SOX6: variants seen among roughly 807,000 people sequenced by gnomAD.
SOX6 encodes transcription factor SOX-6.
Under a neutral mutation model 97.8 loss-of-function variants are expected in SOX6, and 11 were observed. That is an observed-to-expected ratio of 0.11 (90% CI 0.07 to 0.19). SOX6 has a LOEUF of 0.19. Ranked by LOEUF, SOX6 falls within the 10% of genes least tolerant of loss-of-function variation. The pLI is 1.00. For synonymous variants in SOX6, 360 were observed against 371.4 expected (o/e 0.97, Z 0.35); for missense variants, 810 against 1,039.5 (o/e 0.78, Z 3.04).
At position 16,295,206 on chromosome 11, in the gene SOX6, G is replaced by T. The variant is rs534488438; in HGVS notation, c.445+23240C>A. Among the ~76,000 whole-genome samples the T allele has an allele frequency of 4.6e-4, 70 of 152,126 alleles. 1 individual carries two copies. Among genetic ancestry groups the T allele is most frequent in the Non-Finnish European group, 5.0e-4 (34 of 67,954 alleles). On this transcript the variant is annotated intron_variant, in intron 3 of 15. Coordinates refer to ENST00000683767, the MANE Select transcript of SOX6 (RefSeq NM_001367873.1). ...ATCCTATGCTATTTTTTCAAATCAA[G>T]ACTGAAAGTTCTACGAGACTTATTT...
chr11:16,413,640 C>T (rs1323068028), intron 1 of SOX6, among the ~76,000 whole-genome samples: 3 of 150,956 alleles, frequency 2.0e-5, no homozygotes, highest in Admixed American at 6.6e-5. Context: ...CCAGCCTCAG[C>T]CTCCCAAGTA....
At chr11:16,431,207 C>CT (rs1859266237) in intron 1 of SOX6, among the ~76,000 whole-genome samples, 1 of 152,124 alleles carries the variant, frequency 6.6e-6, no homozygotes, top group Non-Finnish European at 1.5e-5. Context: ...TCCCTACCAC[C>CT]TTTGCCATGC....
In SOX6 at chr11:16,469,416, T is replaced by C. The variant is rs1860101997; in HGVS notation, c.-5+6899A>G. Among the ~76,000 whole-genome samples the C allele has an allele frequency of 2.0e-5, 3 of 152,228 alleles. No individual in the cohort carries two copies. In the South Asian group the frequency reaches 6.2e-4, roughly 32 times the overall value. ...AAGAGATGTAAGGTCTTACTTTAAA[T>C]GTTAAGACAGACAAAGCAAAAATTC... On this transcript the variant is annotated intron_variant, in intron 1 of 15. Transcript: ENST00000396356.
intron 12 of SOX6, among the ~76,000 whole-genome samples, chr11:16,021,198 C>T (rs1489376141): frequency 6.6e-6 from 1 of 152,108 alleles, no homozygotes; most frequent in African/African-American, 2.4e-5. Flanking sequence ...ATCATAGATG[C>T]TTGGCTTAAA....
At position 16,164,892 on chromosome 11, in the gene SOX6, C is replaced by T. The variant is rs541254666; in HGVS notation, c.777+18994G>A. Among the ~76,000 whole-genome samples, 5 of 151,694 alleles carry T rather than the reference C, an allele frequency of 3.3e-5. No individual in the cohort carries two copies. In the South Asian group the frequency reaches 1.0e-3, roughly 32 times the overall value. On this transcript the variant is annotated intron_variant, in intron 6 of 15. Transcript: ENST00000683767. ...AGAGACAACAGTATGTCTCATATTTCCTGTATTGATTGACTTCATATAGCT... is the reference window on the plus strand; with the variant it reads ...AGAGACAACAGTATGTCTCATATTTTCTGTATTGATTGACTTCATATAGCT...
rs1860699932 is a variant in SOX6 at position 16,501,108 on chromosome 11, A to G, written n.610-24720T>C. On this transcript the variant is annotated intron_variant and non_coding_transcript_variant, in intron 4 of 5. Transcript: ENST00000524520. ...AACAGCATGGTACTGGTACCAAAAC[A>G]GATATATAGACCAATGGAACAGAAC... Among the ~76,000 whole-genome samples the G allele has an allele frequency of 3.3e-5, 5 of 152,308 alleles. No individual in the cohort carries two copies. The South Asian group carries it at 1.0e-3, about 32-fold the overall frequency.
chr11:16,590,138 G>T (rs1848133180), intron 4 of SOX6, among the ~76,000 whole-genome samples: 1 of 152,140 alleles, frequency 6.6e-6, no homozygotes, highest in African/African-American at 2.4e-5. Flanking sequence ...TTGTATAGGT[G>T]GTACTGCCAA....
intron 3 of SOX6, among the ~76,000 whole-genome samples, chr11:16,638,522 T>C (rs1395524597): frequency 6.6e-6 from 1 of 152,196 alleles, no homozygotes; most frequent in African/African-American, 2.4e-5. Flanking sequence ...TGAGCTAGTT[T>C]ACAGTCCCAC....
chr11:16,733,752 C>A (rs1848369702), intron 2 of SOX6, among the ~76,000 whole-genome samples: 1 of 147,286 alleles, frequency 6.8e-6, no homozygotes, highest in South Asian at 2.1e-4. Context: ...AAGGGCCAGG[C>A]ACGGTGGCTC....
At chr11:16,238,217 G>A (rs1196120302) in intron 3 of SOX6, among the ~76,000 whole-genome samples, 2 of 151,848 alleles carry the variant, frequency 1.3e-5, no homozygotes, top group African/African-American at 4.8e-5. Context: ...GGATGTAAAC[G>A]TTTTGATGTA....
intron 2 of SOX6, among the ~76,000 whole-genome samples, chr11:16,329,737 T>C (rs1856224916): frequency 6.6e-6 from 1 of 152,222 alleles, no homozygotes. Flanking sequence ...GATAATTAAA[T>C]GGTGGTGGTT....
chr11:16,071,115 C>T (rs1848213209), intron 9 of SOX6, among the ~76,000 whole-genome samples: 1 of 152,168 alleles, frequency 6.6e-6, no homozygotes, highest in South Asian at 2.1e-4. Context: ...CCTCTTGTCC[C>T]AGGAAACACC....
intron 12 of SOX6, among the ~76,000 whole-genome samples, chr11:16,019,536 TTAAA>T (rs1854991257): frequency 6.6e-6 from 1 of 152,126 alleles, no homozygotes; most frequent in Non-Finnish European, 1.5e-5. Flanking sequence ...ATTGACTCTC[TTAAA>T]TAAACCTAAA....
chr11:16,427,519 C>A (rs1358996603), intron 1 of SOX6, among the ~76,000 whole-genome samples: 1 of 151,862 alleles, frequency 6.6e-6, no homozygotes, highest in Admixed American at 6.6e-5. Context: ...GTGATGTTCC[C>A]CTTCCTGTGT....
chr11:16,063,017 C>T (rs1306282266), intron 9 of SOX6, among the ~76,000 whole-genome samples: 1 of 151,710 alleles, frequency 6.6e-6, no homozygotes, highest in Admixed American at 6.6e-5. Context: ...ATATCTATCA[C>T]TTAAAAGTAG....
At chr11:16,159,677 G>A (rs1028806779) in intron 6 of SOX6, among the ~76,000 whole-genome samples, 3 of 152,036 alleles carry the variant, frequency 2.0e-5, no homozygotes, top group African/African-American at 7.2e-5. Context: ...GGAATTTTGG[G>A]TTAAATTTAA....
chr11:16,183,816 G>A, intron 6 of SOX6, 70 bp downstream of exon 6: 1 of 1,448,764 alleles, frequency 6.9e-7, no homozygotes, highest in Non-Finnish European at 9.7e-7. Context: ...CATCTGCAGA[G>A]TTTTAAATTC....
chr11:16,245,256 T>C (rs1461869698), intron 3 of SOX6, among the ~76,000 whole-genome samples: 4 of 151,796 alleles, frequency 2.6e-5, no homozygotes, highest in Non-Finnish European at 5.9e-5. Flanking sequence ...ATGTTTCATA[T>C]TGTTATTGAT....
At chr11:16,052,895 C>A (rs2133917461) in intron 10 of SOX6, among the ~76,000 whole-genome samples, 1 of 152,278 alleles carries the variant, frequency 6.6e-6, no homozygotes, top group Admixed American at 6.5e-5. Flanking sequence ...CTGGCTATTT[C>A]TGGTCCTTTG....
Sources: allele counts gnomAD v4.1 joint callset (sites outside exome capture counted in the v4.1 genomes callset), GRCh38; gene constraint gnomAD v4.1.1; transcripts MANE v1.5; gene names NCBI Gene and HGNC (gene_info 2026-07-23, HGNC 2026-07-21).